SLC25A46: variants seen among roughly 807,000 people sequenced by gnomAD.
The protein encoded by SLC25A46 is solute carrier family 25 member 46, also known as mitochondrial outer membrane protein SLC25A46.
In SLC25A46, 39 loss-of-function variants were observed where a neutral mutation model predicts 44.6. The observed-to-expected ratio is 0.87, with a 90% CI of 0.68 to 1.14. SLC25A46 has a LOEUF of 1.14. SLC25A46 is among the 50% of genes most tolerant of loss of function. SLC25A46 has a pLI of 0.00. For missense variants in SLC25A46, 547 were observed against 522.7 expected (o/e 1.05, Z -0.45); for synonymous variants, 202 against 185.8 (o/e 1.09, Z -0.71).
In SLC25A46 at chr5:110,742,051, G is replaced by A. The variant is rs2150408040; in HGVS notation, c.288G>A (p.Gln96=). The change falls in exon 2 of 8, where the codon CAG becomes CAA. Residue 96 remains glutamine, a synonymous_variant. Transcript: ENST00000355943. ...TTCTATTTTTTTTTACTTTAGAACA[G>A]CTGAATAGATTTGCTGGATTTGGTA... is the stretch of plus-strand genomic sequence containing the variant. ...GGSVQGQSSE[Q]LNRFAGFGIG... 1 of 1,570,010 alleles carries A rather than the reference G, an allele frequency of 6.4e-7. No individual in the cohort carries two copies. Among genetic ancestry groups the A allele is most frequent in the Non-Finnish European group, 8.7e-7 (1 of 1,153,922 alleles).
At chr5:110,760,971 T>C (rs1334228717) in intron 7 of SLC25A46, among the ~76,000 whole-genome samples, 2 of 151,992 alleles carry the variant, frequency 1.3e-5, no homozygotes, top group African/African-American at 4.8e-5. Context: ...CCTACACATC[T>C]CCCCAGTCTC....
upstream of SLC25A46, chr5:110,738,361 A>T (rs1344854119): frequency 2.8e-6 from 2 of 706,426 alleles, no homozygotes; most frequent in Non-Finnish European, 3.7e-6. Context: ...TCAGAAAAAA[A>T]TACGACAGAA....
At chr5:110,745,884 T>C (rs1799804369) in intron 3 of SLC25A46, 1 of 156,130 alleles carries the variant, frequency 6.4e-6, no homozygotes, top group African/African-American at 2.4e-5. Flanking sequence ...AAATATTGTT[T>C]TGACACTCCC....
At chr5:110,738,271 G>C, upstream of SLC25A46, 1 of 1,275,934 alleles carries the variant, frequency 7.8e-7, no homozygotes. Context: ...CTCTACAGTA[G>C]TCCTCTCAGT....
rs372778022 is a variant in SLC25A46, at chr5:110,740,938, C to A, written c.284-1109C>A. Among the ~76,000 whole-genome samples the A allele has an allele frequency of 2.0e-5, 3 of 152,094 alleles. No individual in the cohort carries two copies. In the East Asian group the frequency reaches 5.8e-4, roughly 29 times the overall value. On this transcript the variant is annotated intron_variant, in intron 1 of 7. Transcript: ENST00000355943. The stretch of plus-strand genomic sequence containing the variant: ...CTGCACTCCAGCCTGGGCGACAGAG[C>A]GAGACTCCGTCTCAAAACAAACAAA...
rs373026168 is a variant in SLC25A46 at position 110,749,103 on chromosome 5, CATT to C, written c.563+843_563+845del. Among the ~76,000 whole-genome samples the C allele has an allele frequency of 4.9e-3, 750 of 152,028 alleles. 7 individuals carry two copies. Among genetic ancestry groups the C allele is most frequent in the Non-Finnish European group, 7.6e-3 (514 of 67,978 alleles). On this transcript the variant is annotated intron_variant, in intron 5 of 7. Transcript: ENST00000355943. Reference sequence around the variant, plus strand: ...ACATTTCTGAAGTATAGTCGATGGTCATTATGTTAGCTTGGTAATTGGAGATAG... The same window carrying C: ...ACATTTCTGAAGTATAGTCGATGGTCATGTTAGCTTGGTAATTGGAGATAG...
upstream of SLC25A46, chr5:110,738,924 C>T: frequency 7.1e-7 from 1 of 1,400,992 alleles, no homozygotes; most frequent in Non-Finnish European, 9.3e-7. Context: ...TCCCTAGCAA[C>T]CGTGCCCTTT....
At position 110,762,759 on chromosome 5, in the gene SLC25A46, A is replaced by C. The variant is rs1414428179; in HGVS notation, c.*977A>C. 6.6e-6 allele frequency: 1 copy of C among 151,936 alleles called. No individual in the cohort carries two copies. Among genetic ancestry groups the C allele is most frequent in the African/African-American group, 2.4e-5 (1 of 41,426 alleles). 9.4% of individuals were successfully genotyped at this position (151,936 alleles called of 1,614,324 possible). On this transcript the variant is annotated 3_prime_UTR_variant, in exon 8 of 8. Transcript: ENST00000355943. ...ATTTCTGAATGGCTTGTCTGAGAGG[A>C]AACAAAATTAAAATTCATCTGGGAA...
In SLC25A46 at chr5:110,764,023, T is replaced by G. The variant is rs1371222019; in HGVS notation, c.*2241T>G. On this transcript the variant is annotated 3_prime_UTR_variant, in exon 8 of 8. Coordinates refer to ENST00000355943, the MANE Select transcript of SLC25A46 (RefSeq NM_138773.4). Reference sequence around the variant, plus strand: ...TAAAAATTGTTATTTTTCTTTAACATGGGTGCCAAATCAAATATCCATGGG... The same window carrying G: ...TAAAAATTGTTATTTTTCTTTAACAGGGGTGCCAAATCAAATATCCATGGG... 6.6e-6 allele frequency: 1 copy of G among 151,822 alleles called. No homozygotes were observed. The highest frequency in any genetic ancestry group is 1.5e-5 in the Non-Finnish European group (1 of 67,838). 9.4% of individuals were successfully genotyped at this position (151,822 alleles called of 1,614,324 possible).
chr5:110,761,700 T>G lies in SLC25A46; in HGVS notation c.1175T>G (p.Val392Gly), dbSNP rs1342668234. ...VFGFYKGFGA[V>G]IIQYTLHAAV... Reference sequence around the variant, plus strand: ...GGTTTTTATAAAGGGTTTGGTGCTGTTATAATACAGTACACACTGCATGCA... The same window carrying G: ...GGTTTTTATAAAGGGTTTGGTGCTGGTATAATACAGTACACACTGCATGCA... The change falls in exon 8 of 8, where the codon GTT (valine) becomes GGT (glycine). Residue 392 changes from valine to glycine, a missense_variant. Coordinates refer to ENST00000355943, the MANE Select transcript of SLC25A46 (RefSeq NM_138773.4). The surrounding 1 kb of genome is among the most constrained non-coding windows in gnomAD (Gnocchi z 5.3). 2 of 1,613,450 alleles carry G rather than the reference T, an allele frequency of 1.2e-6. No homozygotes were observed. Among genetic ancestry groups the G allele is most frequent in the East Asian group, 4.5e-5 (2 of 44,854 alleles).
chr5:110,742,547 A>G (rs1799717203), intron 2 of SLC25A46, among the ~76,000 whole-genome samples: 1 of 152,094 alleles, frequency 6.6e-6, no homozygotes, highest in Admixed American at 6.5e-5. Context: ...TCAAACATAC[A>G]GTGATCTAGT....
chr5:110,762,443 T>C lies in SLC25A46; in HGVS notation c.*661T>C, dbSNP rs1361042739. The C allele has an allele frequency of 6.6e-6, 1 of 151,854 alleles. No homozygotes were observed. Among genetic ancestry groups the C allele is most frequent in the Non-Finnish European group, 1.5e-5 (1 of 67,924 alleles). The allele number at this position is 151,854 out of a possible 1,614,324, so 9.4% of individuals were successfully genotyped here. On this transcript the variant is annotated 3_prime_UTR_variant, in exon 8 of 8. Transcript: ENST00000355943. ...ATTTTCTACACTTACATCACCTTAT[T>C]GCATAAAACAAAGTCACGCGCTTTC...
chr5:110,739,492 C>A, intron 1 of SLC25A46, 90 bp downstream of exon 1: 1 of 1,463,434 alleles, frequency 6.8e-7, no homozygotes, highest in South Asian at 1.3e-5. Context: ...CAGAGGATCC[C>A]GCCTCCTATT....
In SLC25A46 at chr5:110,761,471, G is replaced by T; in HGVS notation, c.946G>T (p.Glu316Ter). The change falls in exon 8 of 8, where the codon GAA (glutamate) becomes TAA (stop). Residue 316 changes from glutamate to a stop codon, truncating the protein, a stop_gained. Transcript: ENST00000355943. LOFTEE classifies it high-confidence loss of function. The surrounding 1 kb of genome is among the most constrained non-coding windows in gnomAD (Gnocchi z 5.3). ...VQSMLDAYFP[E>*]LIANFAASLC... ...GAGTATGTTGGATGCTTATTTTCCA[G>T]AACTTATTGCTAACTTTGCTGCCAG... 6.2e-7 allele frequency: 1 copy of T among 1,613,792 alleles called. No individual in the cohort carries two copies. Among genetic ancestry groups the T allele is most frequent in the Non-Finnish European group, 8.5e-7 (1 of 1,179,822 alleles).
intron 6 of SLC25A46, 68 bp downstream of exon 6, chr5:110,755,589 C>G: frequency 1.0e-6 from 1 of 972,828 alleles, no homozygotes; most frequent in Non-Finnish European, 1.6e-6. Context: ...GAACTGGAAA[C>G]AAATCTTATT....
chr5:110,750,111 C>G (rs1282261414), intron 5 of SLC25A46, among the ~76,000 whole-genome samples: 1 of 152,000 alleles, frequency 6.6e-6, no homozygotes, highest in Non-Finnish European at 1.5e-5. Flanking sequence ...GCAAGAGAAA[C>G]TGATAGTAAG....
chr5:110,762,011 CT>C lies in SLC25A46; in HGVS notation c.*230del. On this transcript the variant is annotated 3_prime_UTR_variant, in exon 8 of 8. Transcript: ENST00000355943. The stretch of plus-strand genomic sequence containing the variant: ...CAATAAAAATAACACTTATTAAATT[CT>C]AGTTAGTGTAGCACTCATGCTGAAG... The C allele has an allele frequency of 2.3e-6, 1 of 429,530 alleles. No homozygotes were observed. The highest frequency in any genetic ancestry group is 4.2e-5 in the East Asian group (1 of 24,056). The allele number at this position is 429,530 out of a possible 1,614,324, so 26.6% of individuals were successfully genotyped here.
At chr5:110,738,301 A>G, upstream of SLC25A46, 1 of 1,243,894 alleles carries the variant, frequency 8.0e-7, no homozygotes, top group Non-Finnish European at 1.0e-6. Flanking sequence ...AGAGGTCCCA[A>G]TTTTGAACGA....
intron 7 of SLC25A46, among the ~76,000 whole-genome samples, chr5:110,759,815 A>C (rs990550161): frequency 1.3e-5 from 2 of 152,092 alleles, no homozygotes; most frequent in Non-Finnish European, 2.9e-5. Context: ...GAAGGATGTC[A>C]GGGTCAGAAG....
Sources: gnomAD v4.1 joint callset for allele counts (sites outside exome capture counted in the v4.1 genomes callset) on GRCh38, gnomAD v4.1.1 for gene constraint, Gnocchi (gnomAD v3.1) non-coding constraint, MANE v1.5 for transcripts, NCBI Gene and HGNC (gene_info 2026-07-23, HGNC 2026-07-21) for gene names.